SNTG1: variants seen among roughly 807,000 people sequenced by gnomAD.
SNTG1 encodes the protein gamma-1-syntrophin.
A neutral mutation model predicts 74.7 loss-of-function variants in SNTG1; 39 were observed. The ratio of observed to expected loss-of-function variants is 0.52; its 90% CI spans 0.40 to 0.68. The LOEUF (loss-of-function observed/expected upper bound fraction) is 0.68, where lower values mean the gene tolerates loss of function less well. Ranked by LOEUF, SNTG1 falls within the 30% of genes least tolerant of loss-of-function variation. The pLI is 0.00. For synonymous variants in SNTG1, 254 were observed against 217.1 expected, an observed-to-expected ratio of 1.17 and a Z score of -1.49; for missense variants, 685 against 609.5, an observed-to-expected ratio of 1.12 and a Z score of -1.30.
intron 11 of SNTG1, among the ~76,000 whole-genome samples, chr8:50,552,346 C>T (rs967542908): frequency 1.3e-5 from 2 of 152,126 alleles, no homozygotes; most frequent in Non-Finnish European, 2.9e-5. Context: ...TAAAAGGCAT[C>T]ATTTAATTGT....
intron 4 of SNTG1, among the ~76,000 whole-genome samples, chr8:50,405,134 T>G (rs1457792306): frequency 6.6e-6 from 1 of 152,098 alleles, no homozygotes; most frequent in Non-Finnish European, 1.5e-5. Context: ...TATGTTTGAG[T>G]CACCACTTTC....
chr8:50,021,724 C>G (rs955402236), intron 1 of SNTG1, among the ~76,000 whole-genome samples: 1 of 151,864 alleles, frequency 6.6e-6, no homozygotes, highest in African/African-American at 2.4e-5. Flanking sequence ...CACTTGATCC[C>G]CAAGAGTTTG....
chr8:50,653,545 C>T (rs1470431124), intron 13 of SNTG1, among the ~76,000 whole-genome samples: 12 of 152,108 alleles, frequency 7.9e-5, no homozygotes, highest in Admixed American at 3.3e-4. Context: ...TACATTTTTC[C>T]GCCACATTTG....
intron 8 of SNTG1, among the ~76,000 whole-genome samples, chr8:50,455,563 T>A (rs1187893008): frequency 2.0e-5 from 3 of 152,230 alleles, no homozygotes; most frequent in Non-Finnish European, 4.4e-5. Flanking sequence ...TAAAACCTAA[T>A]GCAAAAATCC....
intron 15 of SNTG1, among the ~76,000 whole-genome samples, chr8:50,684,843 C>T (rs1368659589): frequency 1.3e-5 from 2 of 148,776 alleles, no homozygotes; most frequent in Non-Finnish European, 3.0e-5. Flanking sequence ...CCCACTAACT[C>T]GTCATCTACC....
intron 11 of SNTG1, among the ~76,000 whole-genome samples, chr8:50,550,671 T>A (rs905248942): frequency 1.3e-5 from 2 of 149,330 alleles, no homozygotes. Context: ...TCTTCAGTGA[T>A]GTAATTTTTT....
chr8:50,293,403 C>CTTTTTTTTTTTTTTTTTTTT (rs11349774), intron 2 of SNTG1, among the ~76,000 whole-genome samples: 1 of 135,648 alleles, frequency 7.4e-6, no homozygotes, highest in African/African-American at 2.8e-5. Flanking sequence ...TAGTAGGCTT[C>CTTTTTTTTTTTTTTTTTTTT]TTTTTTTTTT....
chr8:50,748,769 A>G (rs2095560773), intron 17 of SNTG1, among the ~76,000 whole-genome samples: 1 of 151,998 alleles, frequency 6.6e-6, no homozygotes, highest in Admixed American at 6.6e-5. Flanking sequence ...TATTGTAATT[A>G]TTTTGGAGCA....
At chr8:50,018,143 G>C (rs1816504774) in intron 1 of SNTG1, among the ~76,000 whole-genome samples, 3 of 151,938 alleles carry the variant, frequency 2.0e-5, no homozygotes, top group South Asian at 4.1e-4. Flanking sequence ...CCTAGCAAGT[G>C]TTTTGCATAA....
At chr8:50,464,005 T>C (rs2093588837) in intron 8 of SNTG1, among the ~76,000 whole-genome samples, 1 of 152,226 alleles carries the variant, frequency 6.6e-6, no homozygotes, top group Admixed American at 6.5e-5. Flanking sequence ...AGATGGCTTC[T>C]TTCCTTAAAC....
At chr8:50,652,630 C>T (rs921719310) in intron 13 of SNTG1, among the ~76,000 whole-genome samples, 2 of 152,046 alleles carry the variant, frequency 1.3e-5, no homozygotes, top group Non-Finnish European at 2.9e-5. Context: ...AAACCCGCCT[C>T]TAGTAAAAAT....
intron 1 of SNTG1, among the ~76,000 whole-genome samples, chr8:49,945,584 C>G (rs1274533901): frequency 6.6e-6 from 1 of 152,204 alleles, no homozygotes; most frequent in South Asian, 2.1e-4. Flanking sequence ...GACCCGTGTT[C>G]AGCTGATCTA....
At chr8:50,751,208 AAC>A (rs1439216853) in intron 17 of SNTG1, among the ~76,000 whole-genome samples, 1 of 152,052 alleles carries the variant, frequency 6.6e-6, no homozygotes, top group Non-Finnish European at 1.5e-5. Flanking sequence ...ATCATGTTTG[AAC>A]ACACATACAC....
Position 50,205,092 on chromosome 8 carries a change from A to G in SNTG1, c.-28+32457A>G, listed in dbSNP as rs200861212. Among the ~76,000 whole-genome samples the G allele has an allele frequency of 8.9e-4, 136 of 152,268 alleles. 2 individuals are homozygous for G. Among genetic ancestry groups the G allele is most frequent in the Non-Finnish European group, 1.4e-3 (95 of 68,002 alleles). Reference sequence around the variant, plus strand: ...TCTTTTGGGTATACACCCAGTAATGAGATGGCTGGGTCAAATGGTATTTCT... The same window carrying G: ...TCTTTTGGGTATACACCCAGTAATGGGATGGCTGGGTCAAATGGTATTTCT... On this transcript the variant is annotated intron_variant, in intron 2 of 18. Coordinates refer to ENST00000642720, the MANE Select transcript of SNTG1 (RefSeq NM_018967.5).
intron 15 of SNTG1, among the ~76,000 whole-genome samples, chr8:50,679,167 A>G (rs575261151): frequency 5.9e-5 from 9 of 152,224 alleles, no homozygotes; most frequent in East Asian, 1.9e-4. Context: ...CATGGCTACC[A>G]TTTATTTCTG....
chr8:50,466,919 T>C (rs2093612996), intron 8 of SNTG1, among the ~76,000 whole-genome samples: 1 of 151,930 alleles, frequency 6.6e-6, no homozygotes, highest in Admixed American at 6.6e-5. Context: ...TTCTAAGAGG[T>C]GTCGTGTTTT....
At position 50,388,480 on chromosome 8, in the gene SNTG1, A is replaced by C. The variant is rs184949996; in HGVS notation, c.-27-5732A>C. Among the ~76,000 whole-genome samples the C allele has an allele frequency of 1.6e-3, 238 of 152,276 alleles. 2 individuals are homozygous for C. Among genetic ancestry groups the C allele is most frequent in the Middle Eastern group, 0.01 (3 of 294 alleles). ...TTACAGAATCAATTCCTGAAACCCC[A>C]AAACCAAGTCAAAAAACTCATTCTT... On this transcript the variant is annotated intron_variant, in intron 2 of 18. Coordinates refer to ENST00000642720, the MANE Select transcript of SNTG1 (RefSeq NM_018967.5).
chr8:49,929,505 G>A (rs1440866646), intron 1 of SNTG1, among the ~76,000 whole-genome samples: 1 of 152,174 alleles, frequency 6.6e-6, no homozygotes, highest in East Asian at 1.9e-4. Context: ...TCTTTTGTGA[G>A]GTAATCTGTG....
intron 2 of SNTG1, among the ~76,000 whole-genome samples, chr8:50,238,611 G>T (rs567639601): frequency 6.6e-6 from 1 of 152,248 alleles, no homozygotes; most frequent in Non-Finnish European, 1.5e-5. Context: ...GACTCAAAAA[G>T]CAACCGCAAC....
Sources: allele counts gnomAD v4.1 joint callset (sites outside exome capture counted in the v4.1 genomes callset), GRCh38; gene constraint gnomAD v4.1.1; transcripts MANE v1.5; gene names NCBI Gene and HGNC (gene_info 2026-07-23, HGNC 2026-07-21).